NFATC1: variants seen among roughly 807,000 people sequenced by gnomAD.
The protein encoded by NFATC1 is nuclear factor of activated T-cells, cytoplasmic 1.
A neutral mutation model predicts 76.0 loss-of-function variants in NFATC1; 22 were observed. The observed-to-expected ratio is 0.29, with a 90% CI of 0.21 to 0.41. The LOEUF (loss-of-function observed/expected upper bound fraction) is 0.41. Ranked by LOEUF, NFATC1 falls within the 10% of genes least tolerant of loss-of-function variation. The probability of loss-of-function intolerance (pLI) is 1.00; values close to 1 mark genes in which losing one functional copy is unlikely to be tolerated. For synonymous variants in NFATC1, 704 were observed against 613.1 expected, an observed-to-expected ratio of 1.15 and a Z score of -2.19; for missense variants, 1,357 against 1,337.7, an observed-to-expected ratio of 1.01 and a Z score of -0.23.
At chr18:79,425,215 GTC>G (rs1401683066) in intron 2 of NFATC1, among the ~76,000 whole-genome samples, 3 of 135,832 alleles carry the variant, frequency 2.2e-5, no homozygotes, top group Admixed American at 7.2e-5. Context: ...CCCTGTCTCT[GTC>G]TCTCTGTTTC....
At chr18:79,420,472 C>A (rs1367998811) in intron 2 of NFATC1, among the ~76,000 whole-genome samples, 26 of 120,782 alleles carry the variant, frequency 2.2e-4, no homozygotes, top group African/African-American at 8.0e-4. Context: ...AGGGGGACGC[C>A]TTTCCAGGTG....
intron 9 of NFATC1, among the ~76,000 whole-genome samples, chr18:79,507,511 A>C (rs141368394): frequency 6.6e-6 from 1 of 152,190 alleles, no homozygotes; most frequent in African/African-American, 2.4e-5. Flanking sequence ...CACCATGAAG[A>C]CCTCACCCCT....
intron 2 of NFATC1, chr18:79,421,480 C>T (rs1256145246): frequency 6.6e-6 from 1 of 152,484 alleles, no homozygotes; most frequent in African/African-American, 2.4e-5. Context: ...AGGGCCACCC[C>T]AGGGGTCTGG....
intron 8 of NFATC1, chr18:79,467,885 A>C: frequency 8.5e-7 from 1 of 1,179,308 alleles, no homozygotes. Flanking sequence ...TTCTGCTCCA[A>C]AAAACTGAGG....
chr18:79,475,087 C>CTG (rs72544564), intron 8 of NFATC1, among the ~76,000 whole-genome samples: 21,611 of 95,794 alleles, frequency 0.23, 3,867 homozygotes, highest in African/African-American at 0.44. Flanking sequence ...CTCACACTCA[C>CTG]TCGACGTGAG....
chr18:79,396,114 G>T lies in NFATC1; in HGVS notation c.-111G>T. 1 of 1,192,396 alleles carries T rather than the reference G, an allele frequency of 8.4e-7. No homozygotes were observed. Among genetic ancestry groups the T allele is most frequent in the South Asian group, 2.6e-5 (1 of 39,140 alleles). 73.9% of individuals were successfully genotyped at this position (1,192,396 alleles called of 1,614,324 possible). ...ATGACTTTCCTCCGGGGCGCGCGGC[G>T]CTGAGCCCGGGGCGAGGGCTGTCTT... is the stretch of plus-strand genomic sequence containing the variant. On this transcript the variant is annotated 5_prime_UTR_variant, in exon 1 of 10. Coordinates refer to ENST00000427363, the MANE Select transcript of NFATC1 (RefSeq NM_001278669.2).
rs138913617 is a variant in NFATC1 at position 79,517,456 on chromosome 18, C to T, written c.2783-10072C>T. On this transcript the variant is annotated intron_variant, in intron 9 of 9. Coordinates refer to ENST00000427363, the MANE Select transcript of NFATC1 (RefSeq NM_001278669.2). ...TGCGTTCCTGCTGCAGGTTTAATTACGCTGTGTCCAGTGGGACGGTGGGCC... is the reference window on the plus strand; with the variant it reads ...TGCGTTCCTGCTGCAGGTTTAATTATGCTGTGTCCAGTGGGACGGTGGGCC... Among the ~76,000 whole-genome samples, 234 of 152,242 alleles carry T rather than the reference C, an allele frequency of 1.5e-3. 1 individual carries two copies. Among genetic ancestry groups the T allele is most frequent in the African/African-American group, 5.5e-3 (227 of 41,546 alleles).
At chr18:79,401,354 CTT>C (rs1025926098) in intron 1 of NFATC1, among the ~76,000 whole-genome samples, 7 of 152,250 alleles carry the variant, frequency 4.6e-5, no homozygotes, top group African/African-American at 1.4e-4. Flanking sequence ...TCACTACTCT[CTT>C]TTAAAAACTC....
chr18:79,526,098 G>T (rs573016364), intron 9 of NFATC1, among the ~76,000 whole-genome samples: 10 of 152,386 alleles, frequency 6.6e-5, no homozygotes, highest in African/African-American at 2.4e-4. Context: ...TCTGCGTTGT[G>T]CCGAGGCCCC....
At chr18:79,406,968 G>C (rs1358380500) in intron 1 of NFATC1, among the ~76,000 whole-genome samples, 1 of 152,256 alleles carries the variant, frequency 6.6e-6, no homozygotes, top group Non-Finnish European at 1.5e-5. Flanking sequence ...TGTGTGGCCT[G>C]TTGTCCAGCG....
At chr18:79,474,388 C>T (rs555165048) in intron 8 of NFATC1, among the ~76,000 whole-genome samples, 20 of 141,888 alleles carry the variant, frequency 1.4e-4, no homozygotes, top group African/African-American at 3.5e-4. Context: ...TCACCGTCGA[C>T]GTAAACCTGA....
At position 79,438,133 on chromosome 18, in the gene NFATC1, C is replaced by T. The variant is rs368901323; in HGVS notation, c.1386+4395C>T. Reference sequence around the variant, plus strand: ...CCGCTCCGTCCGAGGAGGAGCTGAGCGGCGTGAGCAGTGCCCGCCCTGGTC... The same window carrying T: ...CCGCTCCGTCCGAGGAGGAGCTGAGTGGCGTGAGCAGTGCCCGCCCTGGTC... On this transcript the variant is annotated intron_variant, in intron 3 of 9. Coordinates refer to ENST00000427363, the MANE Select transcript of NFATC1 (RefSeq NM_001278669.2). Among the ~76,000 whole-genome samples the T allele has an allele frequency of 4.7e-4, 71 of 152,350 alleles. 1 individual carries two copies. The East Asian group carries it at 0.013, about 28-fold the overall frequency.
chr18:79,425,046 C>T (rs527569315), intron 2 of NFATC1, among the ~76,000 whole-genome samples: 114 of 118,434 alleles, frequency 9.6e-4, no homozygotes, highest in Non-Finnish European at 1.6e-3. Flanking sequence ...TCTCTCTCTC[C>T]GTCTCTGTTT....
chr18:79,522,158 T>TG (rs1472351183), intron 9 of NFATC1, among the ~76,000 whole-genome samples: 25 of 27,768 alleles, frequency 9.0e-4, no homozygotes, highest in African/African-American at 4.4e-3. Flanking sequence ...TGTCTGTGTG[T>TG]GTGTGGGGGG....
chr18:79,518,281 GCA>G (rs1427626542), intron 9 of NFATC1, among the ~76,000 whole-genome samples: 3 of 152,244 alleles, frequency 2.0e-5, no homozygotes, highest in African/African-American at 7.2e-5. Flanking sequence ...CCAATGACAG[GCA>G]CAGTCAATTC....
chr18:79,445,597 A>C (rs2087174988), intron 3 of NFATC1, among the ~76,000 whole-genome samples: 1 of 152,184 alleles, frequency 6.6e-6, no homozygotes, highest in African/African-American at 2.4e-5. Flanking sequence ...GCATGGGGGG[A>C]ATCGGGGTTG....
At chr18:79,504,368 T>G (rs1014377304) in intron 9 of NFATC1, among the ~76,000 whole-genome samples, 1 of 152,214 alleles carries the variant, frequency 6.6e-6, no homozygotes, top group African/African-American at 2.4e-5. Context: ...TCAGTATGGT[T>G]GTGTCTCAGG....
chr18:79,529,251 A>C lies in NFATC1; in HGVS notation c.*1674A>C, dbSNP rs2090843074. On this transcript the variant is annotated 3_prime_UTR_variant, in exon 10 of 10. Transcript: ENST00000427363. Reference sequence around the variant, plus strand: ...CTCAGGGGACTGTCATTGAAAAGGAAACGTTTGATGTCTGTGTCAGCTGTC... The same window carrying C: ...CTCAGGGGACTGTCATTGAAAAGGACACGTTTGATGTCTGTGTCAGCTGTC... 2 of 152,238 alleles carry C rather than the reference A, an allele frequency of 1.3e-5. No homozygotes were observed. The highest frequency in any genetic ancestry group is 1.3e-4 in the Admixed American group (2 of 15,286). The allele number at this position is 152,238 out of a possible 1,614,324, so 9.4% of individuals were successfully genotyped here. A position where few individuals can be genotyped will look rare whatever the true frequency, so the allele number is the denominator to read the frequency against.
At chr18:79,476,205 C>T (rs1050454380) in intron 8 of NFATC1, among the ~76,000 whole-genome samples, 16 of 152,226 alleles carry the variant, frequency 1.1e-4, no homozygotes, top group East Asian at 7.7e-4. Flanking sequence ...CGACGCCAGC[C>T]GCGCGCCTGG....
Sources: allele counts gnomAD v4.1 joint callset (sites outside exome capture counted in the v4.1 genomes callset), GRCh38; gene constraint gnomAD v4.1.1; transcripts MANE v1.5; gene names NCBI Gene and HGNC (gene_info 2026-07-23, HGNC 2026-07-21).